RTN1: variants seen among roughly 807,000 people sequenced by gnomAD.
The protein encoded by RTN1 is reticulon-1.
In RTN1, 25 loss-of-function variants were observed where a neutral mutation model predicts 65.5. That is an observed-to-expected ratio of 0.38 (90% CI 0.28 to 0.53). The LOEUF (loss-of-function observed/expected upper bound fraction) is 0.53, where lower values mean the gene tolerates loss of function less well. Ranked by LOEUF, RTN1 falls within the 20% of genes least tolerant of loss-of-function variation. The pLI, the probability that RTN1 is intolerant of heterozygous loss-of-function variation, is 0.79. For missense variants in RTN1, 983 were observed against 1,025.4 expected (o/e 0.96, Z 0.57); for synonymous variants, 471 against 447.6 (o/e 1.05, Z -0.66).
intron 1 of RTN1, among the ~76,000 whole-genome samples, chr14:59,819,425 A>ACCCCCCCCCCC (rs1886891981): frequency 6.7e-5 from 1 of 14,830 alleles, no homozygotes; most frequent in Non-Finnish European, 1.1e-4. Flanking sequence ...CCCCCCCCCC[A>ACCCCCCCCCCC]CCCCCCACCC....
chr14:59,722,382 G>A (rs746516845), intron 3 of RTN1, among the ~76,000 whole-genome samples: 3 of 152,130 alleles, frequency 2.0e-5, no homozygotes, highest in African/African-American at 7.2e-5. Context: ...AACCTGCATG[G>A]GTGACAGCAG....
chr14:59,633,725 G>T (rs935656326), intron 3 of RTN1, among the ~76,000 whole-genome samples: 2 of 152,238 alleles, frequency 1.3e-5, no homozygotes, highest in African/African-American at 2.4e-5. Flanking sequence ...TAAGGTGCTT[G>T]CCAGGAGAGG....
At chr14:59,787,861 GTA>G (rs143773697) in intron 1 of RTN1, among the ~76,000 whole-genome samples, 1,913 of 152,254 alleles carry the variant, frequency 0.013, 38 homozygotes, top group African/African-American at 0.042. Flanking sequence ...GTTCATTCTT[GTA>G]TATATCCTTC....
chr14:59,781,359 G>T (rs77667474), intron 1 of RTN1, among the ~76,000 whole-genome samples: 1 of 151,912 alleles, frequency 6.6e-6, no homozygotes, highest in South Asian at 2.1e-4. Flanking sequence ...GACTGTTTAT[G>T]TTCCACTTAG....
chr14:59,829,903 C>T lies in RTN1; in HGVS notation c.241+40487G>A, dbSNP rs2139639407. On this transcript the variant is annotated intron_variant, in intron 1 of 8. Coordinates refer to ENST00000267484, the MANE Select transcript of RTN1 (RefSeq NM_021136.3). The surrounding 1 kb of genome is among the most constrained non-coding windows in gnomAD (Gnocchi z 4.3). ...GAAACCAAAAATATTTCTCAAATAGCATTCATGAATATTGTACCCAAGGAC... is the reference window on the plus strand; with the variant it reads ...GAAACCAAAAATATTTCTCAAATAGTATTCATGAATATTGTACCCAAGGAC... Among the ~76,000 whole-genome samples, 1 of 152,278 alleles carries T rather than the reference C, an allele frequency of 6.6e-6. No individual in the cohort carries two copies. The highest frequency in any genetic ancestry group is 2.1e-4 in the South Asian group (1 of 4,822).
intron 3 of RTN1, among the ~76,000 whole-genome samples, chr14:59,677,246 A>G (rs1883646238): frequency 6.6e-6 from 1 of 152,210 alleles, no homozygotes. Context: ...ACATCTCTGA[A>G]TTTAAAAAGC....
chr14:59,843,852 A>G (rs1416092360), intron 1 of RTN1, among the ~76,000 whole-genome samples: 1 of 152,242 alleles, frequency 6.6e-6, no homozygotes, highest in Non-Finnish European at 1.5e-5. Flanking sequence ...TCAATTTAGT[A>G]AGCAACAATT....
At chr14:59,853,577 C>T (rs1229218271) in intron 1 of RTN1, among the ~76,000 whole-genome samples, 10 of 152,138 alleles carry the variant, frequency 6.6e-5, no homozygotes, top group Admixed American at 6.5e-4. Flanking sequence ...GAACTCTGCC[C>T]AGACCTTCAC....
At chr14:59,781,961 C>A (rs1278062580) in intron 1 of RTN1, among the ~76,000 whole-genome samples, 2 of 151,954 alleles carry the variant, frequency 1.3e-5, no homozygotes, top group African/African-American at 4.8e-5. Flanking sequence ...ATCCTAATTC[C>A]CAAGCGATGG....
chr14:59,647,744 C>T (rs971355798), intron 3 of RTN1, among the ~76,000 whole-genome samples: 6 of 152,098 alleles, frequency 3.9e-5, no homozygotes, highest in African/African-American at 1.4e-4. Flanking sequence ...CTAATGAGAA[C>T]AAAGATACAA....
chr14:59,850,850 A>C (rs1335140295), intron 1 of RTN1, among the ~76,000 whole-genome samples: 2 of 152,214 alleles, frequency 1.3e-5, no homozygotes, highest in Non-Finnish European at 2.9e-5. Flanking sequence ...AGAATGTGCA[A>C]AGGGGGTGGG....
intron 2 of RTN1, among the ~76,000 whole-genome samples, chr14:59,733,694 T>C (rs949982261): frequency 1.3e-5 from 2 of 150,928 alleles, no homozygotes; most frequent in Admixed American, 6.6e-5. Flanking sequence ...TGCAGGGGGG[T>C]CCTCCCAGCT....
At chr14:59,852,531 T>C (rs1887528067) in intron 1 of RTN1, among the ~76,000 whole-genome samples, 1 of 152,168 alleles carries the variant, frequency 6.6e-6, no homozygotes, top group African/African-American at 2.4e-5. Context: ...CCAAAAACGT[T>C]GGCAGCGACT....
chr14:59,658,888 C>T (rs542597314), intron 3 of RTN1, among the ~76,000 whole-genome samples: 7 of 152,082 alleles, frequency 4.6e-5, no homozygotes, highest in Non-Finnish European at 8.8e-5. Flanking sequence ...ATGAGTTTGA[C>T]AAATTGACAG....
intron 1 of RTN1, among the ~76,000 whole-genome samples, chr14:59,853,958 G>C (rs556293922): frequency 6.7e-6 from 1 of 149,450 alleles, no homozygotes; most frequent in Non-Finnish European, 1.5e-5. Flanking sequence ...TCCGCCTCCT[G>C]GGTTCAAGCC....
At chr14:59,701,662 G>A (rs551581626) in intron 3 of RTN1, among the ~76,000 whole-genome samples, 17 of 152,190 alleles carry the variant, frequency 1.1e-4, no homozygotes, top group East Asian at 3.9e-4. Flanking sequence ...AAATAGATTC[G>A]TGGTTGCCAG....
chr14:59,655,838 CA>C (rs1349985669), intron 3 of RTN1, among the ~76,000 whole-genome samples: 1 of 152,090 alleles, frequency 6.6e-6, no homozygotes, highest in Non-Finnish European at 1.5e-5. Context: ...AAAATTAACT[CA>C]AAATAGATGA....
At chr14:59,660,801 C>T (rs1883227800) in intron 3 of RTN1, among the ~76,000 whole-genome samples, 1 of 152,064 alleles carries the variant, frequency 6.6e-6, no homozygotes, top group South Asian at 2.1e-4. Flanking sequence ...CTAAAATTTA[C>T]ACCCTAACAT....
intron 3 of RTN1, among the ~76,000 whole-genome samples, chr14:59,694,904 G>A (rs939154804): frequency 6.6e-6 from 1 of 152,210 alleles, no homozygotes; most frequent in African/African-American, 2.4e-5. Flanking sequence ...AACCCTTCAA[G>A]AGAGAGTGGT....
Sources: gnomAD v4.1 joint callset for allele counts (sites outside exome capture counted in the v4.1 genomes callset) on GRCh38, gnomAD v4.1.1 for gene constraint, Gnocchi (gnomAD v3.1) non-coding constraint, MANE v1.5 for transcripts, NCBI Gene and HGNC (gene_info 2026-07-23, HGNC 2026-07-21) for gene names.